The following FMNL2 variants were observed in gnomAD, a reference collection of about 807,000 sequenced individuals.
The protein encoded by FMNL2 is formin-like protein 2.
FMNL2 carries 51 observed loss-of-function variants against 130.2 expected under a neutral mutation model. That is an observed-to-expected ratio of 0.39 (90% CI 0.31 to 0.49). FMNL2 has a LOEUF of 0.49. Ranked by LOEUF, FMNL2 falls within the 20% of genes least tolerant of loss-of-function variation. The probability of loss-of-function intolerance (pLI) is 0.85; values close to 1 mark genes in which losing one functional copy is unlikely to be tolerated. For missense variants in FMNL2, 977 were observed against 1,316.2 expected (o/e 0.74, Z 3.99); for synonymous variants, 465 against 467.1 (o/e 1.00, Z 0.06).
At chr2:152,547,308 C>T (rs578168302) in intron 3 of FMNL2, among the ~76,000 whole-genome samples, 1 of 152,136 alleles carries the variant, frequency 6.6e-6, no homozygotes, top group Non-Finnish European at 1.5e-5. Context: ...GTCTAGGGAG[C>T]TCTGGGGTTG....
chr2:152,545,543 C>T (rs1241456770), intron 3 of FMNL2, among the ~76,000 whole-genome samples: 1 of 152,130 alleles, frequency 6.6e-6, no homozygotes, highest in Admixed American at 6.5e-5. Flanking sequence ...CCAAACCAGC[C>T]TCCTTATTTA....
intron 1 of FMNL2, among the ~76,000 whole-genome samples, chr2:152,446,037 TC>T (rs1688315147): frequency 6.6e-6 from 1 of 152,332 alleles, no homozygotes; most frequent in East Asian, 1.9e-4. Context: ...ACTTTGGTTT[TC>T]ATTCCAGTTT....
chr2:152,502,594 C>T (rs1028528224), intron 1 of FMNL2, among the ~76,000 whole-genome samples: 3 of 152,058 alleles, frequency 2.0e-5, no homozygotes, highest in Admixed American at 6.5e-5. Flanking sequence ...GGCTGAGGCA[C>T]GAGAATTGCT....
At chr2:152,379,447 G>T (rs1415365424) in intron 1 of FMNL2, among the ~76,000 whole-genome samples, 1 of 152,204 alleles carries the variant, frequency 6.6e-6, no homozygotes, top group Non-Finnish European at 1.5e-5. Flanking sequence ...TGGTCTCAGA[G>T]ATCTGGGCTG....
intron 1 of FMNL2, among the ~76,000 whole-genome samples, chr2:152,469,193 G>A (rs1480855399): frequency 6.6e-6 from 1 of 152,126 alleles, no homozygotes; most frequent in Non-Finnish European, 1.5e-5. Context: ...CCTCCTCCTG[G>A]CTTCTTTTGC....
chr2:152,612,396 C>T (rs1388538984), intron 11 of FMNL2, among the ~76,000 whole-genome samples: 2 of 151,982 alleles, frequency 1.3e-5, no homozygotes, highest in African/African-American at 4.8e-5. Flanking sequence ...GGTATGTGCC[C>T]GTGGCCCCAG....
In FMNL2 at chr2:152,580,990, G is replaced by GT; in HGVS notation, c.820dup (p.Cys274LeufsTer8). ...CCTTGTCTTAGAACTGTTGGCAGCC[G>GT]TTTGTCTTGTCAGAGGCGGGCATGA... On this transcript the variant is annotated frameshift_variant, in exon 9 of 26. Coordinates refer to ENST00000288670, the MANE Select transcript of FMNL2 (RefSeq NM_052905.4). LOFTEE classifies it high-confidence loss of function. 6.2e-7 allele frequency: 1 copy of GT among 1,613,796 alleles called. No individual in the cohort carries two copies. Among genetic ancestry groups the GT allele is most frequent in the Non-Finnish European group, 8.5e-7 (1 of 1,179,830 alleles).
At chr2:152,381,891 A>C (rs1357161621) in intron 1 of FMNL2, among the ~76,000 whole-genome samples, 1 of 151,386 alleles carries the variant, frequency 6.6e-6, no homozygotes, top group Non-Finnish European at 1.5e-5. Flanking sequence ...CACTGCAGCC[A>C]GGCTCAATAG....
intron 1 of FMNL2, among the ~76,000 whole-genome samples, chr2:152,402,448 C>T (rs966404285): frequency 6.6e-6 from 1 of 152,150 alleles, no homozygotes; most frequent in African/African-American, 2.4e-5. Context: ...CTGAATAAAA[C>T]TGATCTACCC....
intron 9 of FMNL2, among the ~76,000 whole-genome samples, chr2:152,588,635 T>C (rs1379816667): frequency 1.3e-5 from 2 of 152,002 alleles, no homozygotes; most frequent in Non-Finnish European, 2.9e-5. Flanking sequence ...AGTGAGGATG[T>C]CATTTTATAC....
intron 1 of FMNL2, among the ~76,000 whole-genome samples, chr2:152,423,068 G>A (rs150664699): frequency 2.0e-3 from 304 of 152,228 alleles, no homozygotes; most frequent in Non-Finnish European, 3.6e-3. Flanking sequence ...TACATAGTAG[G>A]CATATATATT....
chr2:152,602,735 T>C (rs1256935028), intron 9 of FMNL2, among the ~76,000 whole-genome samples: 1 of 152,214 alleles, frequency 6.6e-6, no homozygotes, highest in Non-Finnish European at 1.5e-5. Flanking sequence ...TGTAATGATG[T>C]ACACGTGCAA....
chr2:152,566,263 T>C (rs1695831417), intron 6 of FMNL2, among the ~76,000 whole-genome samples: 1 of 152,206 alleles, frequency 6.6e-6, no homozygotes, highest in African/African-American at 2.4e-5. Context: ...ATTAAAAGTA[T>C]TTTTCAGTGG....
At chr2:152,490,591 G>GTGTT (rs1407157218) in intron 1 of FMNL2, among the ~76,000 whole-genome samples, 10 of 150,636 alleles carry the variant, frequency 6.6e-5, no homozygotes, top group Admixed American at 2.0e-4. Context: ...GTGTGTGTGT[G>GTGTT]TGTGTGTGTG....
chr2:152,364,078 A>C (rs996534901), intron 1 of FMNL2, among the ~76,000 whole-genome samples: 1 of 152,098 alleles, frequency 6.6e-6, no homozygotes, highest in Non-Finnish European at 1.5e-5. Flanking sequence ...TGAGAGCCTC[A>C]GATACTCCTC....
chr2:152,409,697 A>G (rs1686180623), intron 1 of FMNL2, among the ~76,000 whole-genome samples: 1 of 152,202 alleles, frequency 6.6e-6, no homozygotes, highest in African/African-American at 2.4e-5. Flanking sequence ...CTGATTAACG[A>G]TGAAGCTGAT....
At chr2:152,635,795 C>T (rs1023341768) in intron 21 of FMNL2, among the ~76,000 whole-genome samples, 1 of 152,220 alleles carries the variant, frequency 6.6e-6, no homozygotes, top group Admixed American at 6.5e-5. Flanking sequence ...GTTAGCTGTG[C>T]AAGGCTGCTT....
chr2:152,404,336 C>G (rs1685868965), intron 1 of FMNL2, among the ~76,000 whole-genome samples: 1 of 152,114 alleles, frequency 6.6e-6, no homozygotes, highest in African/African-American at 2.4e-5. Context: ...TATCTTGTAT[C>G]TCCTCACATC....
Position 152,618,905 on chromosome 2 carries a change from A to T in FMNL2, c.1374A>T (p.Lys458Asn). ...VHTLRKMVKE[K>N]EEAIQRQSTL... Reference sequence around the variant, plus strand: ...CATTAAGAAAAATGGTCAAAGAAAAAGAAGAAGCAATTCAAAGACAGTCTA... The same window carrying T: ...CATTAAGAAAAATGGTCAAAGAAAATGAAGAAGCAATTCAAAGACAGTCTA... Residue 458 changes from lysine (K) to asparagine (N), a missense_variant, in exon 14 of 26, where the codon AAA becomes AAT. Lys to Asn is a moderately conservative substitution (Grantham distance 94, BLOSUM62 0). Around this residue, in one of 4 missense-constraint regions of FMNL2, gnomAD observed 689 missense variants for 995.9 expected, o/e 0.69. Transcript: ENST00000288670. 1 of 1,611,400 alleles carries T rather than the reference A, an allele frequency of 6.2e-7. No homozygotes were observed. Among genetic ancestry groups the T allele is most frequent in the Non-Finnish European group, 8.5e-7 (1 of 1,179,248 alleles).
Sources: allele counts gnomAD v4.1 joint callset (sites outside exome capture counted in the v4.1 genomes callset), GRCh38; gene constraint gnomAD v4.1.1; regional missense constraint gnomAD v4.1.1; transcripts MANE v1.5; gene names NCBI Gene and HGNC (gene_info 2026-07-23, HGNC 2026-07-21).